The following BNIP2 variants were observed in gnomAD, a reference collection of about 807,000 sequenced individuals.
BNIP2 encodes the protein BCL2/adenovirus E1B 19 kDa protein-interacting protein 2.
Under a neutral mutation model 43.4 loss-of-function variants are expected in BNIP2, and 36 were observed. That is an observed-to-expected ratio of 0.83 (90% CI 0.64 to 1.10). The LOEUF is 1.10. BNIP2 is among the 50% of genes least tolerant of loss of function. The pLI is 0.00. For synonymous variants in BNIP2, 146 were observed against 121.0 expected (o/e 1.21, Z -1.35); for missense variants, 417 against 374.1 (o/e 1.11, Z -0.95).
intron 4 of BNIP2, 91 bp from the exon 5 acceptor site, chr15:59,678,178 G>T: frequency 7.0e-7 from 1 of 1,437,032 alleles, no homozygotes; most frequent in Middle Eastern, 2.0e-4. Flanking sequence ...ATTTTACAGA[G>T]AATTTTCATT....
chr15:59,677,238 C>T, intron 5 of BNIP2: 2 of 1,596,054 alleles, frequency 1.3e-6, no homozygotes, highest in Non-Finnish European at 1.7e-6. Context: ...GAGTGCCAAG[C>T]CCCGGCTGGA....
At position 59,677,220 on chromosome 15, in the gene BNIP2, G is replaced by A. The variant is rs6151519; in HGVS notation, c.472+691C>T. The A allele has an allele frequency of 1.1e-4, 175 of 1,593,864 alleles. No homozygotes were observed. In the African/African-American group the frequency reaches 2.0e-3, roughly 18 times the overall value. ...ACATGGGATATCCCAAGTAGTACCC[G>A]TCTTCCAGAGTGCCAAGCCCCGGCT... On this transcript the variant is annotated intron_variant, in intron 5 of 9. Transcript: ENST00000607373.
At chr15:59,678,256 T>C in intron 4 of BNIP2, 169 bp from the exon 5 acceptor site, 1 of 1,357,430 alleles carries the variant, frequency 7.4e-7, no homozygotes, top group Non-Finnish European at 9.4e-7. Context: ...AACATGAGGC[T>C]GTTTTATGTC....
In BNIP2 at chr15:59,664,012, G is replaced by T; in HGVS notation, c.*57C>A. The T allele has an allele frequency of 2.3e-6, 3 of 1,321,926 alleles. No individual in the cohort carries two copies. Among genetic ancestry groups the T allele is most frequent in the Non-Finnish European group, 3.1e-6 (3 of 968,742 alleles). The allele number at this position is 1,321,926 out of a possible 1,614,324, so 81.9% of individuals were successfully genotyped here. ...GGCCAATAAATGCATTATGAATGCAGAAACAGCACTGCTCCATCAGCACAT... is the reference window on the plus strand; with the variant it reads ...GGCCAATAAATGCATTATGAATGCATAAACAGCACTGCTCCATCAGCACAT... On this transcript the variant is annotated 3_prime_UTR_variant, in exon 10 of 10. Coordinates refer to ENST00000607373, the MANE Select transcript of BNIP2 (RefSeq NM_004330.4).
Position 59,677,976 on chromosome 15 carries a change from C to G in BNIP2, c.407G>C (p.Gly136Ala). Residue 136 changes from glycine (G) to alanine (A), a missense_variant, in exon 5 of 10, where the codon GGA (glycine) becomes GCA (alanine). Physicochemically the swap from Gly to Ala is moderately conservative, Grantham distance 60. Transcript: ENST00000607373. ...DGRRWRMFRI[G>A]EQDHRVDMKA... The stretch of plus-strand genomic sequence containing the variant: ...CATATCAACCCTGTGGTCCTGTTCT[C>G]CAATCCTGAACATACGCCAGCGTCG... 6.2e-7 allele frequency: 1 copy of G among 1,613,950 alleles called. No individual in the cohort carries two copies. Among genetic ancestry groups the G allele is most frequent in the Non-Finnish European group, 8.5e-7 (1 of 1,179,868 alleles).
chr15:59,678,555 T>G, intron 4 of BNIP2: 1 of 1,100,122 alleles, frequency 9.1e-7, no homozygotes, highest in Non-Finnish European at 1.1e-6. Flanking sequence ...AATGATCACT[T>G]CTCATTTGAT....
At chr15:59,678,205 T>A in intron 4 of BNIP2, 118 bp from the exon 5 acceptor site, 1 of 1,419,652 alleles carries the variant, frequency 7.0e-7, no homozygotes, top group African/African-American at 1.4e-5. Context: ...TCTGCACAAT[T>A]TTCAATCTCT....
rs1324565664 is a variant in BNIP2 at position 59,679,772 on chromosome 15, GA to G, written c.119-5del. On this transcript the variant is annotated splice_region_variant and splice_polypyrimidine_tract_variant and intron_variant, in intron 3 of 9. Coordinates refer to ENST00000607373, the MANE Select transcript of BNIP2 (RefSeq NM_004330.4). ...TTTCCATTAACTTCTAGTGAGCCTGGAATTGGAAAATAAAGAAAAAGATACG... is the reference window on the plus strand; with the variant it reads ...TTTCCATTAACTTCTAGTGAGCCTGGATTGGAAAATAAAGAAAAAGATACG... The G allele has an allele frequency of 2.0e-6, 3 of 1,466,820 alleles. No homozygotes were observed. In the South Asian group the frequency reaches 4.4e-5, roughly 22 times the overall value. 90.9% of individuals were successfully genotyped at this position (1,466,820 alleles called of 1,614,324 possible). A position where few individuals can be genotyped will look rare whatever the true frequency, so the allele number is the denominator to read the frequency against.
At chr15:59,668,779 C>T (rs537754451) in intron 9 of BNIP2, 113 bp downstream of exon 9, 82 of 912,392 alleles carry the variant, frequency 9.0e-5, no homozygotes, top group African/African-American at 8.5e-4. Context: ...CACACGCGCG[C>T]GCGCGCACAG....
chr15:59,688,444 A>G, intron 1 of BNIP2: 1 of 315,324 alleles, frequency 3.2e-6, no homozygotes, highest in Non-Finnish European at 6.0e-6. Context: ...TTATTCAATT[A>G]AATAAATAGG....
intron 7 of BNIP2, among the ~76,000 whole-genome samples, chr15:59,669,695 C>T (rs956047274): frequency 6.6e-6 from 1 of 152,052 alleles, no homozygotes. Context: ...TTCTCATTTT[C>T]CAAGACTAGG....
chr15:59,685,628 T>G (rs1473772022), intron 1 of BNIP2, among the ~76,000 whole-genome samples: 3 of 152,236 alleles, frequency 2.0e-5, no homozygotes, highest in Non-Finnish European at 4.4e-5. Flanking sequence ...AATCATGTGT[T>G]AATACCTCAG....
intron 5 of BNIP2, chr15:59,676,856 C>A: frequency 1.9e-6 from 3 of 1,574,912 alleles, no homozygotes; most frequent in Non-Finnish European, 2.6e-6. Context: ...CCTCAGCTGC[C>A]CTGGGCTCTC....
rs1566971718 is a variant in BNIP2 at position 59,678,097 on chromosome 15, T to C, written c.296-10A>G. The C allele has an allele frequency of 6.3e-7, 1 of 1,598,706 alleles. No individual in the cohort carries two copies. The highest frequency in any genetic ancestry group is 1.8e-5 in the Admixed American group (1 of 56,086). On this transcript the variant is annotated splice_polypyrimidine_tract_variant and intron_variant, in intron 4 of 9. Transcript: ENST00000607373. ...GGTTTTGGAAGATCATCTGTCAAAA[T>C]ACAAAGTTTTTGAATCACAAATTGT...
At position 59,667,575 on chromosome 15, in the gene BNIP2, G is replaced by A. The variant is rs574406498; in HGVS notation, c.893+1317C>T. 4.2e-4 allele frequency among the ~76,000 whole-genome samples: 64 copies of A among 152,242 alleles called. 2 individuals are homozygous for A. In the Middle Eastern group the frequency reaches 0.01, roughly 24 times the overall value. On this transcript the variant is annotated intron_variant, in intron 9 of 9. Transcript: ENST00000607373. ...TGTTAAATGGGACACTGAGATTTTA[G>A]GTATTTTATCACATGTAGAATTTGA...
rs375660033 is a variant in BNIP2 at position 59,674,947 on chromosome 15, T to C, written c.473-2208A>G. 1.4e-4 allele frequency among the ~76,000 whole-genome samples: 22 copies of C among 152,240 alleles called. No homozygotes were observed. In the East Asian group the frequency reaches 1.9e-3, roughly 13 times the overall value. On this transcript the variant is annotated intron_variant, in intron 5 of 9. Transcript: ENST00000607373. Reference sequence around the variant, plus strand: ...TGTATAGAAGTGTGGAGTGAACTAGTTCTCTATTAAAAAATAATTTGGCCT... The same window carrying C: ...TGTATAGAAGTGTGGAGTGAACTAGCTCTCTATTAAAAAATAATTTGGCCT...
At position 59,689,178 on chromosome 15, in the gene BNIP2, G is replaced by T; in HGVS notation, c.-101C>A. 6.5e-7 allele frequency: 1 copy of T among 1,538,668 alleles called. No individual in the cohort carries two copies. The highest frequency in any genetic ancestry group is 8.7e-7 in the Non-Finnish European group (1 of 1,146,450). On this transcript the variant is annotated 5_prime_UTR_variant, in exon 1 of 10. Coordinates refer to ENST00000607373, the MANE Select transcript of BNIP2 (RefSeq NM_004330.4). ...CCCCTCGTCCTCTTCGCCCCTCCAG[G>T]CCGGCGACGTGGGGCTGACGGCCAG...
intron 5 of BNIP2, among the ~76,000 whole-genome samples, chr15:59,674,721 A>C (rs11071468): frequency 1.3e-5 from 2 of 151,998 alleles, no homozygotes; most frequent in Admixed American, 1.3e-4. Context: ...AGGTAGTATG[A>C]CATGCTCTAC....
Position 59,661,412 on chromosome 15 carries a change from T to G in BNIP2, c.*2657A>C, listed in dbSNP as rs1368771343. ...TATGTCTTTATCTCTTTATAAAGGT[T>G]TGCTTTCTCTTACTTCCTACTTTTA... On this transcript the variant is annotated 3_prime_UTR_variant, in exon 10 of 10. Coordinates refer to ENST00000607373, the MANE Select transcript of BNIP2 (RefSeq NM_004330.4). The G allele has an allele frequency of 6.6e-6, 1 of 152,106 alleles. No individual in the cohort carries two copies. Among genetic ancestry groups the G allele is most frequent in the Non-Finnish European group, 1.5e-5 (1 of 68,050 alleles). 9.4% of individuals were successfully genotyped at this position (152,106 alleles called of 1,614,324 possible).
Sources: gnomAD v4.1 joint callset for allele counts (sites outside exome capture counted in the v4.1 genomes callset) on GRCh38, gnomAD v4.1.1 for gene constraint, MANE v1.5 for transcripts, NCBI Gene and HGNC (gene_info 2026-07-23, HGNC 2026-07-21) for gene names.